The following TECPR2 variants were observed in gnomAD, a reference collection of about 807,000 sequenced individuals.
TECPR2 encodes tectonin beta-propeller repeat containing 2, also known as tectonin beta-propeller repeat-containing protein 2.
Under a neutral mutation model 138.1 loss-of-function variants are expected in TECPR2, and 65 were observed. That is an observed-to-expected ratio of 0.47 (90% CI 0.39 to 0.58). The LOEUF (loss-of-function observed/expected upper bound fraction) is 0.58, where lower values mean the gene tolerates loss of function less well. TECPR2 is among the 20% of genes least tolerant of loss of function. The probability of loss-of-function intolerance (pLI) is 0.00; values close to 1 mark genes in which losing one functional copy is unlikely to be tolerated. For missense variants in TECPR2, 1,553 were observed against 1,824.5 expected, an observed-to-expected ratio of 0.85 and a Z score of 2.71; for synonymous variants, 746 against 749.8, an observed-to-expected ratio of 0.99 and a Z score of 0.08.
chr14:102,438,399 G>T, intron 10 of TECPR2, 194 bp downstream of exon 10: 2 of 630,362 alleles, frequency 3.2e-6, no homozygotes, highest in Non-Finnish European at 5.2e-6. Flanking sequence ...TGCTTCATTG[G>T]ATGTCAATTC....
At chr14:102,477,551 G>GTTT (rs549249042) in intron 17 of TECPR2, among the ~76,000 whole-genome samples, 1 of 126,794 alleles carries the variant, frequency 7.9e-6, no homozygotes, top group Non-Finnish European at 1.7e-5. Context: ...TGTAGAGCTG[G>GTTT]TTTTTTTTTT....
At position 102,383,414 on chromosome 14, in the gene TECPR2, G is replaced by GT. The variant is rs1445725833; in HGVS notation, c.219+6485dup. On this transcript the variant is annotated intron_variant, in intron 2 of 19. Coordinates refer to ENST00000359520, the MANE Select transcript of TECPR2 (RefSeq NM_014844.5). ...TTGTATTGTCTTTTTTGTTTTTTTT[G>GT]TTTTTTTTTTTGAGGCAGAGTCTCA... 5.8e-3 allele frequency among the ~76,000 whole-genome samples: 826 copies of GT among 142,826 alleles called. 3 individuals are homozygous for GT. The highest frequency in any genetic ancestry group is 9.0e-3 in the African/African-American group (354 of 39,264). 93.7% of individuals were successfully genotyped at this position (142,826 alleles called of 152,430 possible). A position where few individuals can be genotyped will look rare whatever the true frequency, so the allele number is the denominator to read the frequency against.
chr14:102,428,217 T>TTTTTG (rs757853414), intron 6 of TECPR2, 33 bp from the exon 7 acceptor site: 22 of 1,466,022 alleles, frequency 1.5e-5, no homozygotes, highest in Middle Eastern at 3.7e-4. Flanking sequence ...AGTTTTGTGT[T>TTTTTG]TTTTGTTTTT....
intron 11 of TECPR2, among the ~76,000 whole-genome samples, chr14:102,441,900 C>T (rs1032245753): frequency 2.6e-5 from 4 of 152,198 alleles, no homozygotes; most frequent in African/African-American, 4.8e-5. Context: ...CAGGAGTTAT[C>T]GTCAGTTGTC....
At chr14:102,477,423 C>A (rs943938411) in intron 17 of TECPR2, among the ~76,000 whole-genome samples, 5 of 151,568 alleles carry the variant, frequency 3.3e-5, no homozygotes, top group African/African-American at 1.2e-4. Flanking sequence ...TTACTCAAGG[C>A]CTGGCAGAAA....
chr14:102,428,436 G>GT, intron 7 of TECPR2, 54 bp downstream of exon 7: 1 of 1,592,848 alleles, frequency 6.3e-7, no homozygotes, highest in East Asian at 2.3e-5. Flanking sequence ...ACTATACTCT[G>GT]TTGTTTGTAA....
In TECPR2 at chr14:102,428,244, TGACAGGCCACAG is replaced by T; in HGVS notation, c.952-5_958del. 7 of 1,350,740 alleles carry T rather than the reference TGACAGGCCACAG, an allele frequency of 5.2e-6. No homozygotes were observed. Among genetic ancestry groups the T allele is most frequent in the Admixed American group, 3.0e-5 (1 of 32,986 alleles). 83.7% of individuals were successfully genotyped at this position (1,350,740 alleles called of 1,614,324 possible). A position where few individuals can be genotyped will look rare whatever the true frequency, so the allele number is the denominator to read the frequency against. On this transcript the variant is annotated splice_acceptor_variant and splice_polypyrimidine_tract_variant and coding_sequence_variant and intron_variant, in exon 7 of 20. Coordinates refer to ENST00000359520, the MANE Select transcript of TECPR2 (RefSeq NM_014844.5). LOFTEE classifies it high-confidence loss of function. ...TTTGTTTTTTTTTTTTTTTTTTTTT[TGACAGGCCACAG>T]TTGCTGGTTTGGAAGGATCCGGTGA...
At chr14:102,411,240 T>A (rs1325883956) in intron 4 of TECPR2, among the ~76,000 whole-genome samples, 3 of 152,254 alleles carry the variant, frequency 2.0e-5, no homozygotes, top group Non-Finnish European at 2.9e-5. Flanking sequence ...GCCCCAACAT[T>A]TCAACACCAT....
At chr14:102,418,927 C>T (rs1161111754) in intron 5 of TECPR2, among the ~76,000 whole-genome samples, 2 of 152,052 alleles carry the variant, frequency 1.3e-5, no homozygotes, top group Non-Finnish European at 2.9e-5. Flanking sequence ...TGTGGATTGA[C>T]GCAGAGAATC....
intron 17 of TECPR2, among the ~76,000 whole-genome samples, chr14:102,483,845 G>A (rs1159113053): frequency 7.1e-6 from 1 of 141,302 alleles, no homozygotes; most frequent in African/African-American, 2.6e-5. Flanking sequence ...TGCCCAGGCT[G>A]GAGTGCAGTG....
intron 2 of TECPR2, among the ~76,000 whole-genome samples, chr14:102,382,009 A>G (rs1319416090): frequency 6.6e-6 from 1 of 152,118 alleles, no homozygotes; most frequent in East Asian, 1.9e-4. Context: ...AAAATTACGT[A>G]TAGGCCGGGC....
In TECPR2 at chr14:102,440,625, G is replaced by T; in HGVS notation, c.2752+16G>T. 2 of 1,606,672 alleles carry T rather than the reference G, an allele frequency of 1.2e-6. No homozygotes were observed. Among genetic ancestry groups the T allele is most frequent in the Non-Finnish European group, 1.7e-6 (2 of 1,175,474 alleles). On this transcript the variant is annotated intron_variant, in intron 11 of 19. Coordinates refer to ENST00000359520, the MANE Select transcript of TECPR2 (RefSeq NM_014844.5). ...TTGCAGACAGGTAACCGCGGGCCAC[G>T]CTTAGAGGCCTGCCAGCTCTGCCGT...
intron 17 of TECPR2, among the ~76,000 whole-genome samples, chr14:102,474,073 C>T (rs754346168): frequency 2.0e-5 from 3 of 151,834 alleles, no homozygotes; most frequent in African/African-American, 4.8e-5. Flanking sequence ...GCCTAGGCAG[C>T]GTAGTGAGAC....
chr14:102,376,835 C>CA lies in TECPR2; in HGVS notation c.115dup (p.Thr39AsnfsTer35). The CA allele has an allele frequency of 6.2e-7, 1 of 1,614,200 alleles. No individual in the cohort carries two copies. The highest frequency in any genetic ancestry group is 1.1e-5 in the South Asian group (1 of 91,084). ...GTTTCCGCTCTATCGTGGTCTATCT[C>CA]ACGGCCCTCGACACCAACGGGGACT... On this transcript the variant is annotated frameshift_variant, in exon 2 of 20. Coordinates refer to ENST00000359520, the MANE Select transcript of TECPR2 (RefSeq NM_014844.5). LOFTEE classifies it high-confidence loss of function.
chr14:102,465,006 C>A, intron 16 of TECPR2, 135 bp from the exon 17 acceptor site: 2 of 1,048,870 alleles, frequency 1.9e-6, no homozygotes, highest in Non-Finnish European at 2.8e-6. Flanking sequence ...GATCCGATGA[C>A]TTAGTGTCCA....
intron 2 of TECPR2, among the ~76,000 whole-genome samples, chr14:102,383,241 G>C (rs1450822272): frequency 1.3e-5 from 2 of 152,132 alleles, no homozygotes; most frequent in African/African-American, 4.8e-5. Flanking sequence ...CTACAGAGTA[G>C]TTTTGCTAGC....
intron 17 of TECPR2, among the ~76,000 whole-genome samples, chr14:102,473,234 C>T (rs746111196): frequency 1.3e-5 from 2 of 152,318 alleles, no homozygotes; most frequent in East Asian, 3.9e-4. Flanking sequence ...CAGGTTGTGG[C>T]GACATGTCAT....
intron 5 of TECPR2, among the ~76,000 whole-genome samples, chr14:102,423,467 C>CTATTAT (rs369285326): frequency 3.3e-5 from 5 of 149,328 alleles, no homozygotes; most frequent in East Asian, 2.0e-4. Flanking sequence ...TTTTTTGTGA[C>CTATTAT]TATTATTATT....
At chr14:102,432,746 C>T (rs1029980473) in intron 8 of TECPR2, among the ~76,000 whole-genome samples, 2 of 151,646 alleles carry the variant, frequency 1.3e-5, no homozygotes, top group African/African-American at 2.4e-5. Context: ...TGGCTCATGC[C>T]TGTAATCCCA....
Sources: gnomAD v4.1 joint callset for allele counts (sites outside exome capture counted in the v4.1 genomes callset) on GRCh38, gnomAD v4.1.1 for gene constraint, MANE v1.5 for transcripts, NCBI Gene and HGNC (gene_info 2026-07-23, HGNC 2026-07-21) for gene names.